Variants in TROAP observed in about 807,000 individuals in gnomAD.
TROAP encodes trophinin associated protein.
A neutral mutation model predicts 83.4 loss-of-function variants in TROAP; 62 were observed. That is an observed-to-expected ratio of 0.74 (90% CI 0.61 to 0.92). The LOEUF (loss-of-function observed/expected upper bound fraction) is 0.92, where lower values mean the gene tolerates loss of function less well. Ranked by LOEUF, TROAP falls within the 40% of genes least tolerant of loss-of-function variation. The probability of loss-of-function intolerance (pLI) is 0.00; values close to 1 mark genes in which losing one functional copy is unlikely to be tolerated. For synonymous variants in TROAP, 352 were observed against 386.4 expected (o/e 0.91, Z 1.04); for missense variants, 876 against 985.1 (o/e 0.89, Z 1.48).
Position 49,329,067 on chromosome 12 carries a change from C to G in TROAP, c.1020+12C>G. The G allele has an allele frequency of 6.2e-7, 1 of 1,612,408 alleles. No individual in the cohort carries two copies. The highest frequency in any genetic ancestry group is 8.5e-7 in the Non-Finnish European group (1 of 1,178,808). On this transcript the variant is annotated intron_variant, in intron 9 of 14. Transcript: ENST00000257909. This position sits in a 1 kb window ranked among gnomAD's most constrained non-coding sequence, Gnocchi z 4.5. ...GCCCTCCAACTCTGGTTTGTGTCAA[C>G]AACTGGGGGCTGGGCAGGGGCAGAA...
chr12:49,323,929 G>A lies in TROAP; in HGVS notation c.229G>A (p.Glu77Lys), dbSNP rs770630939. ...GPRPKARHQA[E>K]TSQRLVGISQ... is the part of the protein sequence containing the mutation. ...CAGGCCGAAAGCCAGGCACCAGGCA[G>A]AGACATCACAAAGATTGGTGGGGAT... Residue 77 changes from glutamate to lysine, a missense_variant, in exon 3 of 15, where the codon GAG becomes AAG. By Grantham distance (56) the Glu-to-Lys change is moderately conservative. This residue lies in a region of TROAP where 689 missense variants were observed against 722.6 expected (regional missense o/e 0.95). Transcript: ENST00000257909. The A allele has an allele frequency of 2.1e-5, 34 of 1,614,042 alleles. No homozygotes were observed. In the South Asian group the frequency reaches 2.9e-4, roughly 14 times the overall value.
Position 49,330,657 on chromosome 12 carries a change from C to A in TROAP, c.1812C>A (p.Arg604=), listed in dbSNP as rs200955530. The part of the protein sequence containing the change: ...RIEPEIPESS[R]QEQLEVPEPC... ...AGCCTGAGATACCGGAGTCCTCTCG[C>A]CAGGAACAGCTTGAGGTACCTGAGC... is the stretch of plus-strand genomic sequence containing the variant. Residue 604 remains arginine, a synonymous_variant, in exon 13 of 15, where the codon CGC becomes CGA. Transcript: ENST00000257909. 40 of 1,613,808 alleles carry A rather than the reference C, an allele frequency of 2.5e-5. No homozygotes were observed. In the African/African-American group the frequency reaches 4.8e-4, roughly 19 times the overall value.
intron 5 of TROAP, 43 bp from the exon 6 acceptor site, chr12:49,326,033 T>C (rs1440264711): frequency 6.2e-7 from 1 of 1,609,686 alleles, no homozygotes; most frequent in African/African-American, 1.3e-5. Context: ...GGGTTTGGGG[T>C]CCACCTCTGA....
rs1347673328 is a variant in TROAP, at chr12:49,326,739, G to A, written c.769+19G>A. 2 of 1,558,218 alleles carry A rather than the reference G, an allele frequency of 1.3e-6. No individual in the cohort carries two copies. Among genetic ancestry groups the A allele is most frequent in the Non-Finnish European group, 1.7e-6 (2 of 1,149,858 alleles). ...CAGCCTGGTAAGTGTTTCTGGCGTG[G>A]GGAGAGAACAGGGGCAGTTGGGCTG... On this transcript the variant is annotated intron_variant, in intron 7 of 14. Transcript: ENST00000257909.
At chr12:49,326,823 G>A (rs1417234336) in intron 7 of TROAP, 103 bp downstream of exon 7, 4 of 1,315,426 alleles carry the variant, frequency 3.0e-6, no homozygotes, top group Non-Finnish European at 3.1e-6. Context: ...GCATGAGGAA[G>A]TGGGAGGCCG....
In TROAP at chr12:49,330,505, A is replaced by G. The variant is rs769982122; in HGVS notation, c.1660A>G (p.Arg554Gly). The G allele has an allele frequency of 1.1e-5, 18 of 1,613,032 alleles. No homozygotes were observed. Among genetic ancestry groups the G allele is most frequent in the Admixed American group, 6.7e-5 (4 of 59,988 alleles). ...VPEPYPPAEPRPLESCCRSEP... is the reference protein window; with the variant it reads ...VPEPYPPAEPGPLESCCRSEP... ...AGAGCCCTACCCTCCAGCAGAACCCAGGCCCCTAGAGTCCTGCTGTAGGAG... is the reference window on the plus strand; with the variant it reads ...AGAGCCCTACCCTCCAGCAGAACCCGGGCCCCTAGAGTCCTGCTGTAGGAG... The change falls in exon 13 of 15, where the codon AGG (arginine) becomes GGG (glycine). Residue 554 changes from arginine (R) to glycine (G), a missense_variant. Arg to Gly is a moderately radical substitution (Grantham distance 125). Transcript: ENST00000257909.
chr12:49,326,633 C>A, intron 6 of TROAP, 35 bp from the exon 7 acceptor site: 1 of 1,548,116 alleles, frequency 6.5e-7, no homozygotes, highest in South Asian at 1.2e-5. Context: ...ACTTGGTATT[C>A]AGTGACTGCT....
At position 49,323,353 on chromosome 12, in the gene TROAP, A is replaced by AGGCAC. The variant is rs1359466572; in HGVS notation, c.-6+7_-6+11dup. On this transcript the variant is annotated splice_donor_region_variant and intron_variant, in intron 1 of 14. Coordinates refer to ENST00000257909, the MANE Select transcript of TROAP (RefSeq NM_005480.4). ...GGCCCTGAGGGGCCTCGGTAAGGTA[A>AGGCAC]GGCACGGGGGTCTTGAAGGGAACGA... 4.4e-4 allele frequency: 209 copies of AGGCAC among 470,512 alleles called. 1 individual carries two copies. In the East Asian group the frequency reaches 7.3e-3, roughly 16 times the overall value. 29.1% of individuals were successfully genotyped at this position (470,512 alleles called of 1,614,324 possible). A position where few individuals can be genotyped will look rare whatever the true frequency, so the allele number is the denominator to read the frequency against.
At position 49,330,178 on chromosome 12, in the gene TROAP, G is replaced by C. The variant is rs770579249; in HGVS notation, c.1333G>C (p.Glu445Gln). Residue 445 changes from glutamate to glutamine, a missense_variant, in exon 13 of 15, where the codon GAA becomes CAA. Physicochemically the swap from Glu to Gln is conservative, Grantham distance 29. Around this residue, in one of 3 missense-constraint regions of TROAP, gnomAD observed 689 missense variants for 722.6 expected, o/e 0.95. Transcript: ENST00000257909. ...TATCCTGCAACAGCTGTTGAGACAG[G>C]AAGTAGAGGGGCTGGTAGGGGGCCA... ...IGILQQLLRQ[E>Q]VEGLVGGQCV... 1 of 1,613,880 alleles carries C rather than the reference G, an allele frequency of 6.2e-7. No individual in the cohort carries two copies. Among genetic ancestry groups the C allele is most frequent in the East Asian group, 2.2e-5 (1 of 44,896 alleles).
chr12:49,325,366 TAAAAA>T, intron 3 of TROAP, 130 bp from the exon 4 acceptor site: 2 of 770,044 alleles, frequency 2.6e-6, no homozygotes, highest in South Asian at 4.7e-5. Context: ...ATCTATTTCT[TAAAAA>T]AAAAAAAAAA....
rs941222062 is a variant in TROAP, at chr12:49,327,436, C to T, written c.891+106C>T. ...AGAATTGTAGGTAGAGCCAGGAAGT[C>T]CTGGGCCTCAGGATGTTACTGGGTA... On this transcript the variant is annotated intron_variant, in intron 8 of 14. Coordinates refer to ENST00000257909, the MANE Select transcript of TROAP (RefSeq NM_005480.4). 14 of 1,506,390 alleles carry T rather than the reference C, an allele frequency of 9.3e-6. No homozygotes were observed. The African/African-American group carries it at 1.8e-4, about 19-fold the overall frequency. The allele number at this position is 1,506,390 out of a possible 1,614,324, so 93.3% of individuals were successfully genotyped here. A position where few individuals can be genotyped will look rare whatever the true frequency, so the allele number is the denominator to read the frequency against.
At position 49,329,426 on chromosome 12, in the gene TROAP, C is replaced by A; in HGVS notation, c.1136C>A (p.Ser379Tyr). 1 of 1,612,188 alleles carries A rather than the reference C, an allele frequency of 6.2e-7. No homozygotes were observed. Among genetic ancestry groups the A allele is most frequent in the South Asian group, 1.1e-5 (1 of 90,804 alleles). Residue 379 changes from serine (S) to tyrosine (Y), a missense_variant, in exon 11 of 15, where the codon TCC (serine) becomes TAC (tyrosine). By Grantham distance (144) the Ser-to-Tyr change is moderately radical. Coordinates refer to ENST00000257909, the MANE Select transcript of TROAP (RefSeq NM_005480.4). This position sits in a 1 kb window ranked among gnomAD's most constrained non-coding sequence, Gnocchi z 4.5. Reference sequence around the variant, plus strand: ...TGGCTGCGTGGTGTCTCCCCTCAGTCCTGCTCTGAAGATCCTGCCCTGCCC... The same window carrying A: ...TGGCTGCGTGGTGTCTCCCCTCAGTACTGCTCTGAAGATCCTGCCCTGCCC... Reference protein sequence around the residue: ...AQWLRGVSPQSCSEDPALPWE... With the variant: ...AQWLRGVSPQYCSEDPALPWE...
chr12:49,330,004 G>A lies in TROAP; in HGVS notation c.1299+13G>A. The stretch of plus-strand genomic sequence containing the variant: ...GGTGAAGATTCAAGTGAGTCTGTGT[G>A]GCCAACAGCTTTGATGTCTATTGAA... On this transcript the variant is annotated intron_variant, in intron 12 of 14. Coordinates refer to ENST00000257909, the MANE Select transcript of TROAP (RefSeq NM_005480.4). The A allele has an allele frequency of 1.9e-6, 3 of 1,613,668 alleles. No individual in the cohort carries two copies. Among genetic ancestry groups the A allele is most frequent in the Non-Finnish European group, 2.5e-6 (3 of 1,179,778 alleles).
chr12:49,325,798 G>C lies in TROAP; in HGVS notation c.547G>C (p.Asp183His), dbSNP rs1186815073. 2 of 1,614,016 alleles carry C rather than the reference G, an allele frequency of 1.2e-6. No individual in the cohort carries two copies. The highest frequency in any genetic ancestry group is 2.7e-5 in the African/African-American group (2 of 74,924). Residue 183 changes from aspartate to histidine, a missense_variant, in exon 5 of 15, where the codon GAC (aspartate) becomes CAC (histidine). Asp to His is a moderately conservative substitution (Grantham distance 81). Coordinates refer to ENST00000257909, the MANE Select transcript of TROAP (RefSeq NM_005480.4). ...CCCCAGAACCCCCACCCACCGACTGGACCCTGCCAGGGCTTCCTGCTTCTC... is the reference window on the plus strand; with the variant it reads ...CCCCAGAACCCCCACCCACCGACTGCACCCTGCCAGGGCTTCCTGCTTCTC... ...LAPRTPTHRL[D>H]PARASCFSRL...
Position 49,331,662 on chromosome 12 carries a change from T to G in TROAP, c.*45T>G. The G allele has an allele frequency of 6.2e-7, 1 of 1,612,952 alleles. No individual in the cohort carries two copies. The highest frequency in any genetic ancestry group is 8.5e-7 in the Non-Finnish European group (1 of 1,179,376). ...CTGCCGTACTTCTTCCTTTTAGCCC[T>G]TATTTATTGTCGGTCTGCCCATGGG... On this transcript the variant is annotated 3_prime_UTR_variant, in exon 15 of 15. Transcript: ENST00000257909.
Position 49,329,890 on chromosome 12 carries a change from A to G in TROAP, c.1198A>G (p.Ser400Gly), listed in dbSNP as rs775928332. ...TGCCGTCCGGTTGTTTGACCAGGAG[A>G]GTTGTATAAGGTCACTGGAGGGTTC... ...QVAVRLFDQE[S>G]CIRSLEGSGK... is the part of the protein sequence containing the mutation. Residue 400 changes from serine (S) to glycine (G), a missense_variant, in exon 12 of 15, where the codon AGT (serine) becomes GGT (glycine). Coordinates refer to ENST00000257909, the MANE Select transcript of TROAP (RefSeq NM_005480.4). This position sits in a 1 kb window ranked among gnomAD's most constrained non-coding sequence, Gnocchi z 4.5. 3.1e-6 allele frequency: 5 copies of G among 1,613,404 alleles called. No individual in the cohort carries two copies. The African/African-American group carries it at 6.7e-5, about 22-fold the overall frequency.
At chr12:49,326,260 C>T in intron 6 of TROAP, 102 bp downstream of exon 6, 1 of 1,171,182 alleles carries the variant, frequency 8.5e-7, no homozygotes, top group South Asian at 1.2e-5. Flanking sequence ...AGCTTTAGGA[C>T]TCCCCACCAA....
At chr12:49,324,911 T>TTC (rs1395781157) in intron 3 of TROAP, among the ~76,000 whole-genome samples, 30 of 99,206 alleles carry the variant, frequency 3.0e-4, no homozygotes, top group Admixed American at 8.9e-4. Context: ...TTTTCTTTCT[T>TTC]TTTTTTTTTT....
chr12:49,325,712 C>T, intron 4 of TROAP, 35 bp from the exon 5 acceptor site: 1 of 1,612,864 alleles, frequency 6.2e-7, no homozygotes, highest in Non-Finnish European at 8.5e-7. Context: ...GGGGGGCATC[C>T]TGAGCAGTGC....
Sources: gnomAD v4.1 joint callset for allele counts (sites outside exome capture counted in the v4.1 genomes callset) on GRCh38, gnomAD v4.1.1 for gene constraint, gnomAD v4.1.1 regional missense constraint, Gnocchi (gnomAD v3.1) non-coding constraint, MANE v1.5 for transcripts, NCBI Gene and HGNC (gene_info 2026-07-23, HGNC 2026-07-21) for gene names.